Variants in FXN observed in about 807,000 individuals in gnomAD.
FXN encodes the protein frataxin.
In FXN, 14 loss-of-function variants were observed where a neutral mutation model predicts 22.4. The observed-to-expected ratio is 0.62, with a 90% CI of 0.41 to 0.98. The LOEUF is 0.98. FXN is among the 50% of genes least tolerant of loss of function. FXN has a pLI of 0.00. For synonymous variants in FXN, 120 were observed against 114.1 expected (o/e 1.05, Z -0.33); for missense variants, 267 against 268.4 (o/e 0.99, Z 0.04).
intron 4 of FXN, among the ~76,000 whole-genome samples, chr9:69,065,618 A>C (rs1159861317): frequency 2.6e-5 from 4 of 151,712 alleles, no homozygotes; most frequent in Admixed American, 6.6e-5. Flanking sequence ...AGCCTGTCTC[A>C]TTCTCAGTAG....
At chr9:69,061,200 G>T (rs1470769738) in intron 3 of FXN, among the ~76,000 whole-genome samples, 3 of 152,230 alleles carry the variant, frequency 2.0e-5, no homozygotes, top group Non-Finnish European at 2.9e-5. Context: ...GTCAATTTTG[G>T]CTTCAGTGGT....
In FXN at chr9:69,077,878, C is replaced by T. The variant is rs916011767; in HGVS notation, c.*5116C>T. 5.3e-5 allele frequency: 47 copies of T among 879,550 alleles called. No individual in the cohort carries two copies. The highest frequency in any genetic ancestry group is 7.3e-5 in the African/African-American group (4 of 54,728). The allele number at this position is 879,550 out of a possible 1,614,324, so 54.5% of individuals were successfully genotyped here. On this transcript the variant is annotated 3_prime_UTR_variant, in exon 5 of 5. Transcript: ENST00000484259. Reference sequence around the variant, plus strand: ...CTGGGTGGTGGAGGTTGCAGTGAGCCGAGATTACACCACTGCACTCCAGCC... The same window carrying T: ...CTGGGTGGTGGAGGTTGCAGTGAGCTGAGATTACACCACTGCACTCCAGCC...
At chr9:69,058,143 G>A (rs1392201385) in intron 3 of FXN, among the ~76,000 whole-genome samples, 2 of 152,128 alleles carry the variant, frequency 1.3e-5, no homozygotes, top group Admixed American at 6.5e-5. Flanking sequence ...TTTTCTCTCT[G>A]TGGAGTGGGA....
At chr9:69,064,306 G>C (rs1832129110) in intron 3 of FXN, among the ~76,000 whole-genome samples, 1 of 152,200 alleles carries the variant, frequency 6.6e-6, no homozygotes, top group Admixed American at 6.5e-5. Context: ...AGAATTCAAG[G>C]CTCTTTAGAG....
intron 4 of FXN, 96 bp from the exon 5 acceptor site, chr9:69,072,516 A>T: frequency 1.2e-6 from 2 of 1,604,498 alleles, no homozygotes; most frequent in Middle Eastern, 3.3e-4. Context: ...CTAGAGCTTT[A>T]CTCCAGTCAA....
chr9:69,052,637 G>A (rs573084529), intron 2 of FXN, among the ~76,000 whole-genome samples: 76 of 150,424 alleles, frequency 5.1e-4, no homozygotes, highest in African/African-American at 1.8e-3. Context: ...CCGCCTCCCA[G>A]GTTCACGCCA....
chr9:69,062,775 A>G (rs1453991478), intron 3 of FXN, among the ~76,000 whole-genome samples: 1 of 152,186 alleles, frequency 6.6e-6, no homozygotes, highest in Non-Finnish European at 1.5e-5. Flanking sequence ...TCAGTGTTAC[A>G]AGGTGAAAAG....
At chr9:69,060,285 G>A (rs1398990589) in intron 3 of FXN, among the ~76,000 whole-genome samples, 4 of 151,966 alleles carry the variant, frequency 2.6e-5, no homozygotes, top group Non-Finnish European at 5.9e-5. Flanking sequence ...GCAGGAGAAT[G>A]GCGTGAACCC....
At chr9:69,037,043 G>A (rs2498419) in intron 1 of FXN, among the ~76,000 whole-genome samples, 150,104 of 152,214 alleles carry the variant, frequency 0.99, 74,041 homozygotes, top group Middle Eastern at 1. Context: ...CTTTAGGCTT[G>A]AACTTCCCAC....
At chr9:69,061,385 C>T (rs1054833550) in intron 3 of FXN, among the ~76,000 whole-genome samples, 5 of 152,158 alleles carry the variant, frequency 3.3e-5, no homozygotes, top group Admixed American at 2.0e-4. Flanking sequence ...ACCTGGAACT[C>T]GCGTCTTATA....
chr9:69,037,284 A>AAAAAAAAAAAGAAGAAG (rs544093183), intron 1 of FXN, among the ~76,000 whole-genome samples: 41 of 78,044 alleles, frequency 5.3e-4, no homozygotes, highest in Non-Finnish European at 8.4e-4. Flanking sequence ...AAAAAAAAAA[A>AAAAAAAAAAAGAAGAAG]AAGAAGAAGA....
chr9:69,073,853 G>T lies in FXN; in HGVS notation c.*1091G>T. The T allele has an allele frequency of 1.5e-5, 15 of 985,350 alleles. No homozygotes were observed. The highest frequency in any genetic ancestry group is 1.8e-5 in the Non-Finnish European group (15 of 829,890). 61.0% of individuals were successfully genotyped at this position (985,350 alleles called of 1,614,324 possible). On this transcript the variant is annotated 3_prime_UTR_variant, in exon 5 of 5. Transcript: ENST00000484259. Reference sequence around the variant, plus strand: ...TATAGGAAACATTGTTATTGGTGTTGCCCTATCGTGATTTCAGTTGAATTC... The same window carrying T: ...TATAGGAAACATTGTTATTGGTGTTTCCCTATCGTGATTTCAGTTGAATTC...
intron 4 of FXN, 105 bp downstream of exon 4, chr9:69,065,140 C>T: frequency 1.2e-6 from 1 of 839,476 alleles, no homozygotes; most frequent in East Asian, 2.5e-5. Flanking sequence ...GTGGCTGACA[C>T]CTGTAATCCC....
Position 69,075,541 on chromosome 9 carries a change from C to T in FXN, c.*2779C>T. On this transcript the variant is annotated 3_prime_UTR_variant, in exon 5 of 5. Coordinates refer to ENST00000484259, the MANE Select transcript of FXN (RefSeq NM_000144.5). ...AGAATCAAAATCATATTCTGTCAAG[C>T]AAACTGGAAAAGTACCACTGTGTGT... 1.0e-6 allele frequency: 1 copy of T among 985,142 alleles called. No homozygotes were observed. The allele number at this position is 985,142 out of a possible 1,614,324, so 61.0% of individuals were successfully genotyped here. A position where few individuals can be genotyped will look rare whatever the true frequency, so the allele number is the denominator to read the frequency against.
intron 1 of FXN, 58 bp from the exon 2 acceptor site, chr9:69,046,327 A>C (rs1259548229): frequency 7.9e-7 from 1 of 1,270,176 alleles, no homozygotes; most frequent in East Asian, 2.3e-5. Context: ...TAAATTATGC[A>C]TTAATGGGTT....
At chr9:69,036,945 A>T (rs903441971) in intron 1 of FXN, among the ~76,000 whole-genome samples, 1 of 152,220 alleles carries the variant, frequency 6.6e-6, no homozygotes, top group Non-Finnish European at 1.5e-5. Context: ...GGATCCCTTC[A>T]GAGTGGCTGG....
At chr9:69,052,699 C>T (rs555538162) in intron 2 of FXN, among the ~76,000 whole-genome samples, 2 of 151,970 alleles carry the variant, frequency 1.3e-5, no homozygotes, top group Admixed American at 6.5e-5. Context: ...CCCGTCACCA[C>T]GCCCGGCTAA....
intron 1 of FXN, among the ~76,000 whole-genome samples, chr9:69,039,038 A>AG (rs1406029412): frequency 1.3e-5 from 2 of 151,970 alleles, no homozygotes; most frequent in East Asian, 1.9e-4. Flanking sequence ...GGATCACCTG[A>AG]GGTCAGGAGT....
At chr9:69,060,177 G>A (rs1177264876) in intron 3 of FXN, among the ~76,000 whole-genome samples, 2 of 152,096 alleles carry the variant, frequency 1.3e-5, no homozygotes, top group Admixed American at 6.6e-5. Flanking sequence ...GACCATTCTG[G>A]CTAACACGGT....
Sources: allele counts gnomAD v4.1 joint callset (sites outside exome capture counted in the v4.1 genomes callset), GRCh38; gene constraint gnomAD v4.1.1; transcripts MANE v1.5; gene names NCBI Gene and HGNC (gene_info 2026-07-23, HGNC 2026-07-21).